The following BNIP5 variants were observed in gnomAD, a reference collection of about 807,000 sequenced individuals.
BNIP5 encodes the protein protein BNIP5.
In BNIP5, 61 loss-of-function variants were observed where a neutral mutation model predicts 67.3. That is an observed-to-expected ratio of 0.91 (90% CI 0.74 to 1.12). BNIP5 has a LOEUF of 1.12. BNIP5 is among the 50% of genes most tolerant of loss of function. The pLI is 0.00. For missense variants in BNIP5, 826 were observed against 816.3 expected (o/e 1.01, Z -0.14); for synonymous variants, 317 against 319.0 (o/e 0.99, Z 0.07).
Position 36,316,354 on chromosome 6 carries a change from T to G in BNIP5, c.*1002A>C, listed in dbSNP as rs112689472. The G allele has an allele frequency of 1.3e-4, 50 of 397,340 alleles. 1 individual carries two copies. Among genetic ancestry groups the G allele is most frequent in the African/African-American group, 9.0e-4 (44 of 48,748 alleles). 24.6% of individuals were successfully genotyped at this position (397,340 alleles called of 1,614,324 possible). On this transcript the variant is annotated 3_prime_UTR_variant, in exon 12 of 12. Transcript: ENST00000437635. ...CACACCTGAGTCAAGCTATTGAAAC[T>G]GTTGAGCTATACAGAAGGCAGAGCC...
chr6:36,329,039 G>C (rs1197622787), intron 2 of BNIP5, among the ~76,000 whole-genome samples: 1 of 152,176 alleles, frequency 6.6e-6, no homozygotes, highest in Non-Finnish European at 1.5e-5. Context: ...TTCAGCTCCA[G>C]AGCCTTGGGA....
rs548423952 is a variant in BNIP5, at chr6:36,317,954, G to A, written c.1924-563C>T. 4.6e-5 allele frequency among the ~76,000 whole-genome samples: 7 copies of A among 152,258 alleles called. No homozygotes were observed. The East Asian group carries it at 9.6e-4, about 21-fold the overall frequency. On this transcript the variant is annotated intron_variant, in intron 11 of 11. Coordinates refer to ENST00000437635, the MANE Select transcript of BNIP5 (RefSeq NM_001010903.5). ...AGCTATTACCTAAGCCACCCTAGAG[G>A]GCAAATTATCTGTAACATTCCTATT...
rs1291919697 is a variant in BNIP5, at chr6:36,330,673, G to A, written c.18C>T (p.Cys6=). ...TCTTCTCCGCCAGGGGCCTCCTTGG[G>A]CACCTTGGATTCTCCATCGGGCTGC... MENPR[C]PRRPLAEKKA... is the part of the protein sequence containing the mutation. Residue 6 remains cysteine (C), a synonymous_variant, in exon 2 of 12, where the codon TGC becomes TGT. Coordinates refer to ENST00000437635, the MANE Select transcript of BNIP5 (RefSeq NM_001010903.5). 1.9e-6 allele frequency: 3 copies of A among 1,585,132 alleles called. No individual in the cohort carries two copies. The African/African-American group carries it at 4.0e-5, about 21-fold the overall frequency.
rs530441123 is a variant in BNIP5 at position 36,328,952 on chromosome 6, A to G, written c.611-238T>C. Among the ~76,000 whole-genome samples the G allele has an allele frequency of 2.0e-5, 3 of 151,820 alleles. No homozygotes were observed. The South Asian group carries it at 6.3e-4, about 32-fold the overall frequency. ...GCTAACCCCCTCCCCGCAAATCCTCAGTCTTCTCCCCATCATAAACACTGA... is the reference window on the plus strand; with the variant it reads ...GCTAACCCCCTCCCCGCAAATCCTCGGTCTTCTCCCCATCATAAACACTGA... On this transcript the variant is annotated intron_variant, in intron 2 of 11. Coordinates refer to ENST00000437635, the MANE Select transcript of BNIP5 (RefSeq NM_001010903.5).
Position 36,319,420 on chromosome 6 carries a change from C to G in BNIP5, c.1859G>C (p.Cys620Ser), listed in dbSNP as rs772367176. The change falls in exon 11 of 12, where the codon TGC (cysteine) becomes TCC (serine). Residue 620 changes from cysteine to serine, a missense_variant. By Grantham distance (112) the Cys-to-Ser change is moderately radical. Coordinates refer to ENST00000437635, the MANE Select transcript of BNIP5 (RefSeq NM_001010903.5). ...KFAGSNSHAM[C>S]ILMGLRDHYN... ...GTGGTCTCTTAGGCCCATGAGGATG[C>G]ACATGGCATGGCTGTTGCTGCCAGC... is the stretch of plus-strand genomic sequence containing the variant. 6.2e-7 allele frequency: 1 copy of G among 1,614,134 alleles called. No individual in the cohort carries two copies. The highest frequency in any genetic ancestry group is 8.5e-7 in the Non-Finnish European group (1 of 1,180,008).
chr6:36,323,678 T>A, intron 7 of BNIP5, 145 bp from the exon 8 acceptor site: 1 of 924,634 alleles, frequency 1.1e-6, no homozygotes. Context: ...ATATGTGTGG[T>A]CTGGAGGGGG....
rs1771681888 is a variant in BNIP5, at chr6:36,323,435, A to G, written c.1329T>C (p.Phe443=). The change falls in exon 8 of 12, where the codon TTT becomes TTC. Residue 443 remains phenylalanine, a synonymous_variant. Transcript: ENST00000437635. ...QEKRSSFRRA[F]YHKKHTSKEP... Reference sequence around the variant, plus strand: ...CCTTGGAGGTGTGTTTCTTATGGTAAAACGCTCTCCTGAAGCTCGACCTTT... The same window carrying G: ...CCTTGGAGGTGTGTTTCTTATGGTAGAACGCTCTCCTGAAGCTCGACCTTT... The G allele has an allele frequency of 6.2e-7, 1 of 1,614,130 alleles. No individual in the cohort carries two copies. The highest frequency in any genetic ancestry group is 8.5e-7 in the Non-Finnish European group (1 of 1,180,054).
At chr6:36,325,212 C>T (rs1582128167) in intron 6 of BNIP5, 71 bp downstream of exon 6, 3 of 1,531,214 alleles carry the variant, frequency 2.0e-6, no homozygotes, top group Non-Finnish European at 9.0e-7. Flanking sequence ...GGCTCAGTGT[C>T]TCTTTGCAAG....
rs1385323233 is a variant in BNIP5 at position 36,336,767 on chromosome 6, A to G, written c.-60T>C. On this transcript the variant is annotated 5_prime_UTR_variant, in exon 1 of 12. Coordinates refer to ENST00000437635, the MANE Select transcript of BNIP5 (RefSeq NM_001010903.5). Reference sequence around the variant, plus strand: ...ACACCCTGGGCTGGGATCTTCAGACAAGAGGTCTCTGTGTTAGGCTCTGCT... The same window carrying G: ...ACACCCTGGGCTGGGATCTTCAGACGAGAGGTCTCTGTGTTAGGCTCTGCT... The G allele has an allele frequency of 3.9e-5, 6 of 152,248 alleles. No individual in the cohort carries two copies. The highest frequency in any genetic ancestry group is 3.9e-4 in the Admixed American group (6 of 15,286). The allele number at this position is 152,248 out of a possible 1,614,324, so 9.4% of individuals were successfully genotyped here.
chr6:36,327,985 G>A (rs988966063), intron 3 of BNIP5, among the ~76,000 whole-genome samples: 4 of 151,990 alleles, frequency 2.6e-5, no homozygotes, highest in African/African-American at 9.7e-5. Flanking sequence ...GTTATTCTTT[G>A]ACATATGCAT....
rs746526286 is a variant in BNIP5, at chr6:36,316,750, G to A, written c.*606C>T. 2 of 398,716 alleles carry A rather than the reference G, an allele frequency of 5.0e-6. No individual in the cohort carries two copies. Among genetic ancestry groups the A allele is most frequent in the Non-Finnish European group, 8.8e-6 (2 of 226,238 alleles). The allele number at this position is 398,716 out of a possible 1,614,324, so 24.7% of individuals were successfully genotyped here. ...AGCTCCATTTCTCTAGTCATAGAAT[G>A]ACAGGACACAGGGTTAGAAGGATTC... On this transcript the variant is annotated 3_prime_UTR_variant, in exon 12 of 12. Transcript: ENST00000437635.
At chr6:36,334,113 C>G (rs912436294) in intron 1 of BNIP5, among the ~76,000 whole-genome samples, 2 of 152,214 alleles carry the variant, frequency 1.3e-5, no homozygotes, top group Non-Finnish European at 2.9e-5. Context: ...TACCACATTC[C>G]AAGGACACGC....
chr6:36,328,771 A>G, intron 2 of BNIP5, 57 bp from the exon 3 acceptor site: 1 of 1,025,420 alleles, frequency 9.8e-7, no homozygotes, highest in East Asian at 2.4e-5. Context: ...TGTGTCAGTG[A>G]CATTCTCCTG....
rs1483305850 is a variant in BNIP5, at chr6:36,327,199, A to G, written c.728-105T>C. The stretch of plus-strand genomic sequence containing the variant: ...TCTTAAACAACTCTTTAGGCCACAC[A>G]ATGGAGGGAAAGCACCACATCCCAG... On this transcript the variant is annotated intron_variant, in intron 3 of 11. Transcript: ENST00000437635. 4.0e-6 allele frequency: 4 copies of G among 990,326 alleles called. No homozygotes were observed. The African/African-American group carries it at 6.4e-5, about 16-fold the overall frequency. 61.3% of individuals were successfully genotyped at this position (990,326 alleles called of 1,614,324 possible).
rs749724146 is a variant in BNIP5 at position 36,326,760 on chromosome 6, G to C, written c.793-7C>G. On this transcript the variant is annotated splice_region_variant and splice_polypyrimidine_tract_variant and intron_variant, in intron 4 of 11. Transcript: ENST00000437635. ...GCTGTGAGGCCAGAGATTGCTGTTG[G>C]GGAGAGGAGAAAAACTGGTCAGGTT... 4.3e-6 allele frequency: 7 copies of C among 1,613,606 alleles called. No homozygotes were observed. Among genetic ancestry groups the C allele is most frequent in the Admixed American group, 1.7e-5 (1 of 59,922 alleles).
At position 36,328,714 on chromosome 6, in the gene BNIP5, C is replaced by A; in HGVS notation, c.611G>T (p.Gly204Val). 2 of 1,603,872 alleles carry A rather than the reference C, an allele frequency of 1.2e-6. No individual in the cohort carries two copies. Among genetic ancestry groups the A allele is most frequent in the Non-Finnish European group, 1.7e-6 (2 of 1,170,728 alleles). ...GGACTGGTGATCAGAATCTTCCCCA[C>A]CTGGAATAGAGACGAAAGCAAACGG... ...GEADLGPARR[G>V]GEDSDHQSFL... The change falls in exon 3 of 12, where the codon GGT becomes GTT. Residue 204 changes from glycine to valine, a missense_variant and splice_region_variant. By Grantham distance (109) the Gly-to-Val change is moderately radical (BLOSUM62 -3). Coordinates refer to ENST00000437635, the MANE Select transcript of BNIP5 (RefSeq NM_001010903.5).
chr6:36,329,678 G>A (rs1771840088), intron 2 of BNIP5, among the ~76,000 whole-genome samples: 1 of 152,146 alleles, frequency 6.6e-6, no homozygotes, highest in East Asian at 1.9e-4. Context: ...CAGGCGTGGT[G>A]GTGGGCACCT....
intron 11 of BNIP5, among the ~76,000 whole-genome samples, 186 bp from the exon 12 acceptor site, chr6:36,317,577 A>G (rs1771549105): frequency 6.6e-6 from 1 of 152,074 alleles, no homozygotes; most frequent in Non-Finnish European, 1.5e-5. Context: ...CAGCCTCCCC[A>G]TTCTCAAAGG....
chr6:36,324,533 G>A (rs1771711110), intron 6 of BNIP5, among the ~76,000 whole-genome samples: 2 of 129,422 alleles, frequency 1.5e-5, no homozygotes, highest in East Asian at 4.7e-4. Flanking sequence ...AGGGGATAGG[G>A]GGCAGAGATC....
Sources: allele counts gnomAD v4.1 joint callset (sites outside exome capture counted in the v4.1 genomes callset), GRCh38; gene constraint gnomAD v4.1.1; transcripts MANE v1.5; gene names NCBI Gene and HGNC (gene_info 2026-07-23, HGNC 2026-07-21).